KIF3C: variants seen among roughly 807,000 people sequenced by gnomAD.
KIF3C encodes the protein kinesin family member 3C.
KIF3C carries 12 observed loss-of-function variants against 67.7 expected under a neutral mutation model. The ratio of observed to expected loss-of-function variants is 0.18; its 90% CI spans 0.11 to 0.29. The LOEUF (loss-of-function observed/expected upper bound fraction) is 0.29, where lower values mean the gene tolerates loss of function less well. KIF3C is among the 10% of genes least tolerant of loss of function. The pLI is 1.00. For missense variants in KIF3C, 789 were observed against 1,059.6 expected (o/e 0.74, Z 3.55); for synonymous variants, 393 against 426.2 (o/e 0.92, Z 0.96).
rs568428368 is a variant in KIF3C at position 25,965,105 on chromosome 2, G to A, written c.1546-8661C>T. The stretch of plus-strand genomic sequence containing the variant: ...CCTGTGTTTCTCTGCCAGCCCTGCC[G>A]GGACCCAGCACAGACGTGGTCTGAA... On this transcript the variant is annotated intron_variant, in intron 1 of 7. Transcript: ENST00000264712. Among the ~76,000 whole-genome samples the A allele has an allele frequency of 7.2e-5, 11 of 152,270 alleles. No individual in the cohort carries two copies. The East Asian group carries it at 1.7e-3, about 24-fold the overall frequency.
intron 1 of KIF3C, among the ~76,000 whole-genome samples, chr2:25,966,853 C>T (rs1422902122): frequency 1.3e-5 from 2 of 152,176 alleles, no homozygotes; most frequent in East Asian, 1.9e-4. Flanking sequence ...TTACCTTAAT[C>T]GTCCTATCTG....
Position 25,953,230 on chromosome 2 carries a change from C to A in KIF3C, c.1889+1037G>T, listed in dbSNP as rs1419327759. Among the ~76,000 whole-genome samples, 3 of 150,786 alleles carry A rather than the reference C, an allele frequency of 2.0e-5. No individual in the cohort carries two copies. The East Asian group carries it at 5.9e-4, about 30-fold the overall frequency. ...GCTGCAGTGAGCCAAGACTGCACCA[C>A]TGCACTCCAGGGTGGATGATAGAGC... On this transcript the variant is annotated intron_variant, in intron 4 of 7. Transcript: ENST00000264712.
intron 5 of KIF3C, among the ~76,000 whole-genome samples, chr2:25,942,722 T>C (rs558416512): frequency 6.6e-6 from 1 of 152,228 alleles, no homozygotes; most frequent in Non-Finnish European, 1.5e-5. Flanking sequence ...AAATGTTTTT[T>C]AAAGTAACTT....
chr2:25,931,854 G>A (rs376677425), intron 5 of KIF3C, among the ~76,000 whole-genome samples: 34 of 149,994 alleles, frequency 2.3e-4, no homozygotes, highest in African/African-American at 4.4e-4. Context: ...GGCTGGTCTC[G>A]AACTCCTGAC....
At chr2:25,974,948 C>T (rs1420407189) in intron 1 of KIF3C, among the ~76,000 whole-genome samples, 1 of 149,158 alleles carries the variant, frequency 6.7e-6, no homozygotes, top group East Asian at 1.9e-4. Context: ...ATCGCTTGAA[C>T]CTGGGAGGCA....
At chr2:25,929,616 CT>C (rs757531235) in intron 6 of KIF3C, 139 bp from the exon 7 acceptor site, 32,288 of 476,830 alleles carry the variant, frequency 0.068, 12 homozygotes, top group South Asian at 0.081. Flanking sequence ...CCCATAGGCT[CT>C]TTTTTTTTTT....
intron 1 of KIF3C, among the ~76,000 whole-genome samples, chr2:25,979,563 T>C (rs982735084): frequency 9.9e-5 from 15 of 152,168 alleles, no homozygotes; most frequent in African/African-American, 3.4e-4. Flanking sequence ...AGCTGTAGAA[T>C]GGCTAGGCCA....
intron 1 of KIF3C, among the ~76,000 whole-genome samples, chr2:25,971,803 G>C (rs1243485323): frequency 6.7e-6 from 1 of 148,760 alleles, no homozygotes; most frequent in African/African-American, 2.5e-5. Flanking sequence ...GAACTCCTAG[G>C]CTCAAGCCAT....
At chr2:25,971,301 G>C (rs1315654632) in intron 1 of KIF3C, among the ~76,000 whole-genome samples, 8 of 149,538 alleles carry the variant, frequency 5.3e-5, no homozygotes. Flanking sequence ...ATAGCAGGAC[G>C]TGGTGGCGCG....
At chr2:25,962,640 G>C (rs1663977068) in intron 1 of KIF3C, among the ~76,000 whole-genome samples, 1 of 147,394 alleles carries the variant, frequency 6.8e-6, no homozygotes, top group South Asian at 2.1e-4. Context: ...GCCTCCCAAA[G>C]TGCTGGGATT....
Position 25,929,283 on chromosome 2 carries a change from CTGGGACCA to C in KIF3C, c.2288+14_2288+21del. The C allele has an allele frequency of 6.2e-7, 1 of 1,609,676 alleles. No individual in the cohort carries two copies. Among genetic ancestry groups the C allele is most frequent in the Non-Finnish European group, 8.5e-7 (1 of 1,176,180 alleles). ...CCCTGCCTCCTGGGTCCAGTGCTGCCTGGGACCATGGAGGTACTGACCAGGATCTGGAC... is the reference window on the plus strand; with the variant it reads ...CCCTGCCTCCTGGGTCCAGTGCTGCCTGGAGGTACTGACCAGGATCTGGAC... On this transcript the variant is annotated intron_variant, in intron 7 of 7. Coordinates refer to ENST00000264712, the MANE Select transcript of KIF3C (RefSeq NM_002254.8).
At chr2:25,976,396 A>G (rs930521872) in intron 1 of KIF3C, among the ~76,000 whole-genome samples, 1 of 152,172 alleles carries the variant, frequency 6.6e-6, no homozygotes, top group African/African-American at 2.4e-5. Flanking sequence ...TATCATCTGT[A>G]CACAAACACT....
chr2:25,976,714 C>T (rs984740315), intron 1 of KIF3C, among the ~76,000 whole-genome samples: 2 of 152,088 alleles, frequency 1.3e-5, no homozygotes, highest in African/African-American at 2.4e-5. Context: ...GAGCTGAGAT[C>T]GTGCCATTGC....
At chr2:25,954,206 G>A in intron 4 of KIF3C, 61 bp downstream of exon 4, 2 of 1,185,284 alleles carry the variant, frequency 1.7e-6, no homozygotes. Flanking sequence ...TAGGGGAGGA[G>A]AGGCCTGAGT....
chr2:25,951,673 T>C (rs1574486247), intron 5 of KIF3C, 116 bp downstream of exon 5: 1 of 676,630 alleles, frequency 1.5e-6, no homozygotes, highest in Non-Finnish European at 2.6e-6. Context: ...CCCCATCTTT[T>C]CCCCAATCCA....
chr2:25,929,312 T>C lies in KIF3C; in HGVS notation c.2281A>G (p.Arg761Gly), dbSNP rs2090437978. Residue 761 changes from arginine (R) to glycine (G), a missense_variant, in exon 7 of 8, where the codon AGA (arginine) becomes GGA (glycine). Physicochemically the swap from Arg to Gly is moderately radical, Grantham distance 125. Transcript: ENST00000264712. Reference sequence around the variant, plus strand: ...GACCATGGAGGTACTGACCAGGATCTGGACTTTCGGACTTTAGACGTGGAA... The same window carrying C: ...GACCATGGAGGTACTGACCAGGATCCGGACTTTCGGACTTTAGACGTGGAA... ...RPSTSKVRKS[R>G]SWCQSPQRPP... The C allele has an allele frequency of 6.2e-7, 1 of 1,614,096 alleles. No homozygotes were observed. The highest frequency in any genetic ancestry group is 1.1e-5 in the South Asian group (1 of 91,080).
At chr2:25,947,714 A>C (rs1663484422) in intron 5 of KIF3C, among the ~76,000 whole-genome samples, 1 of 152,136 alleles carries the variant, frequency 6.6e-6, no homozygotes, top group Non-Finnish European at 1.5e-5. Context: ...CCTCAAAAGG[A>C]GAAAAGTTTA....
chr2:25,960,687 A>T (rs1408716392), intron 1 of KIF3C, among the ~76,000 whole-genome samples: 1 of 152,216 alleles, frequency 6.6e-6, no homozygotes, highest in South Asian at 2.1e-4. Flanking sequence ...CTGTAATTGC[A>T]GCACTTTGGG....
intron 5 of KIF3C, among the ~76,000 whole-genome samples, chr2:25,947,745 G>A (rs1057002169): frequency 1.3e-5 from 2 of 151,980 alleles, no homozygotes; most frequent in Non-Finnish European, 2.9e-5. Context: ...AAGAAAAGAT[G>A]GTGGAAAGTT....
Sources: allele counts gnomAD v4.1 joint callset (sites outside exome capture counted in the v4.1 genomes callset), GRCh38; gene constraint gnomAD v4.1.1; transcripts MANE v1.5; gene names NCBI Gene and HGNC (gene_info 2026-07-23, HGNC 2026-07-21).